RAB38: variants seen among roughly 807,000 people sequenced by gnomAD.
RAB38 encodes ras-related protein Rab-38.
In RAB38, 15 loss-of-function variants were observed where a neutral mutation model predicts 18.4. That is an observed-to-expected ratio of 0.82 (90% CI 0.55 to 1.26). The LOEUF is 1.26. RAB38 is among the 50% of genes most tolerant of loss of function. RAB38 has a pLI of 0.00. For missense variants in RAB38, 294 were observed against 267.4 expected (o/e 1.10, Z -0.69); for synonymous variants, 101 against 104.4 (o/e 0.97, Z 0.20).
chr11:88,022,625 A>AAAAAAAC, the RAB38 span, among the ~76,000 whole-genome samples: 58 of 150,690 alleles, frequency 3.8e-4, 1 homozygote, highest in Non-Finnish European at 7.0e-4. Flanking sequence ...AAAAAAAAAA[A>AAAAAAAC]AAAAAAACAA....
At chr11:87,849,053 C>T in the RAB38 span, among the ~76,000 whole-genome samples, 92 of 152,196 alleles carry the variant, frequency 6.0e-4, no homozygotes, top group African/African-American at 2.2e-3. Flanking sequence ...ACAGGACTTA[C>T]TTCAGTTGAA....
the RAB38 span, among the ~76,000 whole-genome samples, chr11:88,060,047 A>G: frequency 0.11 from 16,859 of 152,268 alleles, 1,214 homozygotes; most frequent in Admixed American, 0.19. Flanking sequence ...TGGAATCCAC[A>G]TGTCTGTTAG....
At chr11:88,126,721 C>T (rs1942700027) in intron 2 of RAB38, among the ~76,000 whole-genome samples, 1 of 151,784 alleles carries the variant, frequency 6.6e-6, no homozygotes, top group South Asian at 2.1e-4. Context: ...AAAAGAAAGA[C>T]TCAGAAGTAT....
At chr11:87,900,656 AAAGGTAGGAAGG>A in the RAB38 span, among the ~76,000 whole-genome samples, 1 of 118,924 alleles carries the variant, frequency 8.4e-6, no homozygotes, top group Non-Finnish European at 1.7e-5. Context: ...TCACAGAAAG[AAAGGTAGGAAGG>A]AAGGAAGGAA....
At chr11:88,023,646 T>C in the RAB38 span, among the ~76,000 whole-genome samples, 735 of 152,148 alleles carry the variant, frequency 4.8e-3, 6 homozygotes, top group African/African-American at 0.016. Context: ...TGACTTCAAA[T>C]TGTGCTACAG....
chr11:87,854,606 A>C, the RAB38 span, among the ~76,000 whole-genome samples: 1 of 152,130 alleles, frequency 6.6e-6, no homozygotes, highest in Non-Finnish European at 1.5e-5. Context: ...AGAAACCAAA[A>C]TTTAGAATTG....
intron 2 of RAB38, among the ~76,000 whole-genome samples, chr11:88,136,127 C>A (rs893190523): frequency 6.6e-6 from 1 of 152,176 alleles, no homozygotes; most frequent in Non-Finnish European, 1.5e-5. Context: ...TTTAGGATAT[C>A]TCTGGACACC....
chr11:87,945,992 G>T, the RAB38 span, among the ~76,000 whole-genome samples: 14 of 152,018 alleles, frequency 9.2e-5, no homozygotes, highest in African/African-American at 3.4e-4. Context: ...GCCCTTTTCA[G>T]AGATGCAGAA....
the RAB38 span, among the ~76,000 whole-genome samples, chr11:88,028,864 A>G: frequency 6.6e-6 from 1 of 152,218 alleles, no homozygotes. Context: ...ATTCAGATTC[A>G]GGAAATATAG....
At chr11:88,049,604 T>C in the RAB38 span, among the ~76,000 whole-genome samples, 1 of 152,310 alleles carries the variant, frequency 6.6e-6, no homozygotes, top group South Asian at 2.1e-4. Context: ...CAAAGCCTGT[T>C]TGGTGGTCTC....
At chr11:87,820,302 C>A in the RAB38 span, among the ~76,000 whole-genome samples, 12 of 152,118 alleles carry the variant, frequency 7.9e-5, no homozygotes, top group African/African-American at 1.4e-4. Flanking sequence ...ACTAGGTCCT[C>A]GGGAGTGTAA....
the RAB38 span, among the ~76,000 whole-genome samples, chr11:88,046,973 T>C: frequency 2.0e-5 from 3 of 152,148 alleles, no homozygotes; most frequent in Non-Finnish European, 4.4e-5. Context: ...ACTGGGACCA[T>C]GCCCTGTAGC....
chr11:87,922,564 T>A, the RAB38 span, among the ~76,000 whole-genome samples: 1 of 141,782 alleles, frequency 7.1e-6, no homozygotes, highest in Admixed American at 6.8e-5. Flanking sequence ...TTTTCTCACC[T>A]GAAAAAAATA....
chr11:87,923,972 A>C, the RAB38 span, among the ~76,000 whole-genome samples: 176 of 151,930 alleles, frequency 1.2e-3, no homozygotes, highest in Non-Finnish European at 2.2e-3. Context: ...AAAAAAAAAA[A>C]AACACATTTC....
chr11:87,973,518 A>G, the RAB38 span, among the ~76,000 whole-genome samples: 1 of 151,986 alleles, frequency 6.6e-6, no homozygotes, highest in African/African-American at 2.4e-5. Flanking sequence ...ACCCCTGTCT[A>G]CGGTGCTGGA....
the RAB38 span, among the ~76,000 whole-genome samples, chr11:87,821,095 C>T: frequency 6.6e-6 from 1 of 152,044 alleles, no homozygotes; most frequent in Non-Finnish European, 1.5e-5. Context: ...GAGAATTTTC[C>T]AGCAGAAATA....
At chr11:87,972,244 T>C in the RAB38 span, among the ~76,000 whole-genome samples, 1 of 152,012 alleles carries the variant, frequency 6.6e-6, no homozygotes, top group African/African-American at 2.4e-5. Context: ...TGATTACACC[T>C]CCTCTACCTT....
chr11:87,862,434 C>T, the RAB38 span, among the ~76,000 whole-genome samples: 184 of 151,980 alleles, frequency 1.2e-3, 1 homozygote, highest in African/African-American at 4.2e-3. Flanking sequence ...GGAATGTTCT[C>T]ACTTACAAGT....
At chr11:87,922,194 A>G in the RAB38 span, among the ~76,000 whole-genome samples, 1 of 151,950 alleles carries the variant, frequency 6.6e-6, no homozygotes, top group Non-Finnish European at 1.5e-5. Context: ...TTGGATGGTA[A>G]TTATATTGCA....
Sources: gnomAD v4.1 joint callset for allele counts (sites outside exome capture counted in the v4.1 genomes callset) on GRCh38, gnomAD v4.1.1 for gene constraint, MANE v1.5 for transcripts, NCBI Gene and HGNC (gene_info 2026-07-23, HGNC 2026-07-21) for gene names.